LRRTM4: variants seen among roughly 807,000 people sequenced by gnomAD.
The protein encoded by LRRTM4 is leucine-rich repeat transmembrane neuronal protein 4.
A neutral mutation model predicts 47.6 loss-of-function variants in LRRTM4; 25 were observed. The observed-to-expected ratio is 0.53, with a 90% CI of 0.38 to 0.73. The LOEUF is 0.73. Ranked by LOEUF, LRRTM4 falls within the 30% of genes least tolerant of loss-of-function variation. LRRTM4 has a pLI of 0.00. For synonymous variants in LRRTM4, 311 were observed against 269.5 expected (o/e 1.15, Z -1.51); for missense variants, 638 against 713.4 (o/e 0.89, Z 1.20).
intron 3 of LRRTM4, among the ~76,000 whole-genome samples, chr2:76,833,294 G>A (rs1041012056): frequency 6.6e-6 from 1 of 152,006 alleles, no homozygotes; most frequent in East Asian, 1.9e-4. Context: ...CTATATCCGT[G>A]CTGCAAACTC....
intron 3 of LRRTM4, among the ~76,000 whole-genome samples, chr2:77,510,577 T>G (rs971001072): frequency 1.7e-4 from 26 of 152,214 alleles, no homozygotes; most frequent in Non-Finnish European, 3.2e-4. Context: ...TCTATATTAT[T>G]TGCTACTCCA....
intron 3 of LRRTM4, among the ~76,000 whole-genome samples, chr2:76,753,698 A>G (rs945282898): frequency 6.6e-6 from 1 of 152,132 alleles, no homozygotes; most frequent in African/African-American, 2.4e-5. Flanking sequence ...GAGTTTCACA[A>G]TCTGAAAATT....
intron 3 of LRRTM4, among the ~76,000 whole-genome samples, chr2:77,125,344 G>A (rs1368757349): frequency 6.6e-6 from 1 of 152,160 alleles, no homozygotes; most frequent in African/African-American, 2.4e-5. Context: ...ATTCTAGAAA[G>A]GTTTCCATCA....
At chr2:77,408,285 G>A (rs1271956080) in intron 3 of LRRTM4, among the ~76,000 whole-genome samples, 3 of 151,974 alleles carry the variant, frequency 2.0e-5, no homozygotes, top group Non-Finnish European at 4.4e-5. Context: ...CCATGGTTTT[G>A]TAATCTTTGC....
At chr2:76,899,386 C>T (rs183435352) in intron 3 of LRRTM4, among the ~76,000 whole-genome samples, 1 of 150,376 alleles carries the variant, frequency 6.6e-6, no homozygotes, top group Non-Finnish European at 1.5e-5. Flanking sequence ...TATAATAGTG[C>T]ATAAATACTA....
intron 3 of LRRTM4, among the ~76,000 whole-genome samples, chr2:77,296,895 G>T (rs897701884): frequency 6.6e-6 from 1 of 152,194 alleles, no homozygotes; most frequent in Non-Finnish European, 1.5e-5. Flanking sequence ...GATGCATAGT[G>T]ACATAGTTAA....
chr2:77,118,030 A>G (rs1320819981), intron 3 of LRRTM4, among the ~76,000 whole-genome samples: 2 of 151,968 alleles, frequency 1.3e-5, no homozygotes, highest in Non-Finnish European at 1.5e-5. Flanking sequence ...TTTCCCAAGT[A>G]CACTAAATTT....
chr2:76,802,956 T>A (rs1675783432), intron 3 of LRRTM4, among the ~76,000 whole-genome samples: 1 of 152,116 alleles, frequency 6.6e-6, no homozygotes, highest in Non-Finnish European at 1.5e-5. Context: ...AAACTCAAAA[T>A]TGATTGAAAA....
At chr2:77,135,061 T>C (rs567509464) in intron 3 of LRRTM4, among the ~76,000 whole-genome samples, 2 of 152,304 alleles carry the variant, frequency 1.3e-5, no homozygotes, top group East Asian at 3.9e-4. Flanking sequence ...AATAAAATTA[T>C]AGGTAAAACA....
intron 3 of LRRTM4, among the ~76,000 whole-genome samples, chr2:76,873,472 G>A (rs993749068): frequency 7.3e-6 from 1 of 136,988 alleles, no homozygotes; most frequent in Admixed American, 7.5e-5. Context: ...GTGTGTGTGT[G>A]TATATATATA....
chr2:77,391,439 C>A (rs1046890713), intron 3 of LRRTM4, among the ~76,000 whole-genome samples: 5 of 151,900 alleles, frequency 3.3e-5, no homozygotes, highest in African/African-American at 1.2e-4. Flanking sequence ...TTTAAAATAT[C>A]CTGGTTAGAA....
chr2:77,202,839 G>A (rs543845703), intron 3 of LRRTM4, among the ~76,000 whole-genome samples: 1 of 152,132 alleles, frequency 6.6e-6, no homozygotes, highest in South Asian at 2.1e-4. Flanking sequence ...CAAAATTGGA[G>A]ACTTTGCCTA....
chr2:77,451,009 T>C (rs995541219), intron 3 of LRRTM4, among the ~76,000 whole-genome samples: 2 of 152,184 alleles, frequency 1.3e-5, no homozygotes, highest in African/African-American at 4.8e-5. Context: ...ATTCTATATG[T>C]AAACTTTTGC....
chr2:77,163,880 G>A (rs1672802560), intron 3 of LRRTM4, among the ~76,000 whole-genome samples: 2 of 152,102 alleles, frequency 1.3e-5, no homozygotes, highest in African/African-American at 4.8e-5. Context: ...GACCTTCAAT[G>A]CTAGGAAGAA....
intron 3 of LRRTM4, among the ~76,000 whole-genome samples, chr2:77,092,845 C>G (rs547608889): frequency 7.0e-6 from 1 of 143,416 alleles, no homozygotes; most frequent in Admixed American, 6.9e-5. Flanking sequence ...TCAGCGAAAC[C>G]TTTATATCCC....
chr2:77,463,250 A>G (rs1027097425), intron 3 of LRRTM4, among the ~76,000 whole-genome samples: 5 of 152,050 alleles, frequency 3.3e-5, no homozygotes, highest in African/African-American at 1.2e-4. Flanking sequence ...TGTGTACCTA[A>G]AATTGCAATA....
At chr2:76,958,213 A>G (rs565473394) in intron 3 of LRRTM4, among the ~76,000 whole-genome samples, 15 of 151,930 alleles carry the variant, frequency 9.9e-5, no homozygotes, top group African/African-American at 3.6e-4. Flanking sequence ...GGGCCATGTC[A>G]TCATAATAAT....
intron 3 of LRRTM4, among the ~76,000 whole-genome samples, chr2:76,876,686 C>T (rs1672788723): frequency 6.6e-6 from 1 of 151,896 alleles, no homozygotes; most frequent in Admixed American, 6.6e-5. Flanking sequence ...AAATGACAGA[C>T]ACTATTAACA....
intron 3 of LRRTM4, among the ~76,000 whole-genome samples, chr2:77,242,604 A>G (rs1352160515): frequency 6.6e-6 from 1 of 152,182 alleles, no homozygotes; most frequent in African/African-American, 2.4e-5. Flanking sequence ...AATCAAAACC[A>G]CAATGAGACA....
Sources: allele counts gnomAD v4.1 joint callset (sites outside exome capture counted in the v4.1 genomes callset), GRCh38; gene constraint gnomAD v4.1.1; transcripts MANE v1.5; gene names NCBI Gene and HGNC (gene_info 2026-07-23, HGNC 2026-07-21).